The following THSD4 variants were observed in gnomAD, a reference collection of about 807,000 sequenced individuals.
THSD4 encodes thrombospondin type 1 domain containing 4, also known as thrombospondin type-1 domain-containing protein 4.
THSD4 carries 69 observed loss-of-function variants against 119.0 expected under a neutral mutation model. That is an observed-to-expected ratio of 0.58 (90% CI 0.48 to 0.71). The LOEUF (loss-of-function observed/expected upper bound fraction) is 0.71, where lower values mean the gene tolerates loss of function less well. Ranked by LOEUF, THSD4 falls within the 30% of genes least tolerant of loss-of-function variation. The pLI is 0.00. For synonymous variants in THSD4, 524 were observed against 540.4 expected (o/e 0.97, Z 0.42); for missense variants, 1,393 against 1,391.1 (o/e 1.00, Z -0.02).
At chr15:71,542,895 A>G (rs1203180615) in intron 7 of THSD4, among the ~76,000 whole-genome samples, 1 of 152,036 alleles carries the variant, frequency 6.6e-6, no homozygotes, top group Non-Finnish European at 1.5e-5. Context: ...AAACAAAAAA[A>G]CAAAAAAAAC....
At chr15:71,225,556 T>TTTTTTTTTG in intron 4 of THSD4, among the ~76,000 whole-genome samples, 1 of 146,176 alleles carries the variant, frequency 6.8e-6, no homozygotes. Context: ...TTTTTCTTTT[T>TTTTTTTTTG]TTTTTTTTTG....
At chr15:71,727,585 TATACACACACACAC>T (rs1567122106) in intron 8 of THSD4, among the ~76,000 whole-genome samples, 23 of 6,450 alleles carry the variant, frequency 3.6e-3, no homozygotes, top group African/African-American at 5.4e-3. Context: ...TATATATATA[TATACACACACACAC>T]ACACACACAC....
chr15:71,502,438 C>T (rs1020908052), intron 7 of THSD4, among the ~76,000 whole-genome samples: 9 of 152,124 alleles, frequency 5.9e-5, no homozygotes, highest in African/African-American at 1.7e-4. Flanking sequence ...TATCATGGAT[C>T]ACAGATGAAA....
At chr15:71,477,599 C>G (rs1462684600) in intron 7 of THSD4, among the ~76,000 whole-genome samples, 2 of 152,160 alleles carry the variant, frequency 1.3e-5, no homozygotes, top group East Asian at 3.8e-4. Context: ...TCTTGAGCAA[C>G]TCTTCTATCT....
At position 71,332,892 on chromosome 15, in the gene THSD4, A is replaced by ATTTTTTTTTTTT; in HGVS notation, c.1015+76182_1015+76193dup. Reference sequence around the variant, plus strand: ...TCTTAAAACATTGAGATTTTTTTACATTTTTTTTTTTTTTTTAGTTCATCA... The same window carrying ATTTTTTTTTTTT: ...TCTTAAAACATTGAGATTTTTTTACATTTTTTTTTTTTTTTTTTTTTTTTTTTTAGTTCATCA... On this transcript the variant is annotated intron_variant, in intron 6 of 17. Transcript: ENST00000261862. Among the ~76,000 whole-genome samples the ATTTTTTTTTTTT allele has an allele frequency of 2.8e-3, 214 of 76,964 alleles. 25 individuals carry two copies. The highest frequency in any genetic ancestry group is 8.5e-3 in the Middle Eastern group (1 of 118). The allele number at this position is 76,964 out of a possible 152,430, so 50.5% of individuals were successfully genotyped here. A position where few individuals can be genotyped will look rare whatever the true frequency, so the allele number is the denominator to read the frequency against.
chr15:71,120,757 G>A (rs1394838504), intron 1 of THSD4, among the ~76,000 whole-genome samples: 1 of 152,234 alleles, frequency 6.6e-6, no homozygotes, highest in Admixed American at 6.5e-5. Flanking sequence ...CTCAGGATGG[G>A]GATTAAGGCT....
intron 10 of THSD4, among the ~76,000 whole-genome samples, chr15:71,736,068 TGTCTCTCTCTTGCTCTC>T (rs1195550379): frequency 1.9e-5 from 1 of 54,018 alleles, no homozygotes; most frequent in African/African-American, 6.1e-5. Context: ...TCTATCTCTC[TGTCTCTCTCTTGCTCTC>T]TGTCTCTCTC....
intron 7 of THSD4, among the ~76,000 whole-genome samples, chr15:71,636,613 T>C (rs993200368): frequency 6.6e-6 from 1 of 152,164 alleles, no homozygotes; most frequent in Non-Finnish European, 1.5e-5. Context: ...TCCCACCACC[T>C]TCCGCTATGT....
intron 7 of THSD4, among the ~76,000 whole-genome samples, chr15:71,552,979 GCAAA>G (rs1429179949): frequency 6.6e-6 from 1 of 152,150 alleles, no homozygotes; most frequent in Non-Finnish European, 1.5e-5. Flanking sequence ...ACAAATTCAA[GCAAA>G]CAAATACAGA....
At chr15:71,477,175 C>T (rs752877722) in intron 7 of THSD4, among the ~76,000 whole-genome samples, 3 of 152,228 alleles carry the variant, frequency 2.0e-5, no homozygotes, top group Non-Finnish European at 2.9e-5. Context: ...AAGCTCCACA[C>T]GCCCTCCTTC....
At position 71,132,006 on chromosome 15, in the gene THSD4, G is replaced by C. The variant is rs142080422; in HGVS notation, c.-79-9443G>C. ...ACTTGAGCAAAAATCCTTTTACTATGTTAAGCCATTCACATTTTGAGGGGG... is the reference window on the plus strand; with the variant it reads ...ACTTGAGCAAAAATCCTTTTACTATCTTAAGCCATTCACATTTTGAGGGGG... On this transcript the variant is annotated intron_variant, in intron 1 of 17. Transcript: ENST00000261862. Among the ~76,000 whole-genome samples the C allele has an allele frequency of 1.1e-3, 162 of 152,290 alleles. 1 individual carries two copies. The highest frequency in any genetic ancestry group is 3.4e-3 in the Middle Eastern group (1 of 294).
chr15:71,168,968 C>T (rs368252973), intron 3 of THSD4, among the ~76,000 whole-genome samples: 92 of 152,152 alleles, frequency 6.0e-4, no homozygotes, highest in African/African-American at 2.1e-3. Context: ...ACATTCGAGT[C>T]GAGGTTGTTT....
At chr15:71,293,234 G>A (rs943998242) in intron 6 of THSD4, among the ~76,000 whole-genome samples, 4 of 152,122 alleles carry the variant, frequency 2.6e-5, no homozygotes, top group African/African-American at 9.7e-5. Context: ...CAGATTTTGA[G>A]CTATCTTTTT....
At chr15:71,237,066 G>A (rs2044111615) in intron 4 of THSD4, among the ~76,000 whole-genome samples, 1 of 152,196 alleles carries the variant, frequency 6.6e-6, no homozygotes, top group Non-Finnish European at 1.5e-5. Context: ...CAAGTGGTGT[G>A]GGTGGTCCAT....
At chr15:71,456,037 G>A (rs1188187552) in intron 7 of THSD4, among the ~76,000 whole-genome samples, 1 of 152,174 alleles carries the variant, frequency 6.6e-6, no homozygotes, top group Non-Finnish European at 1.5e-5. Flanking sequence ...GCAAAGTCAG[G>A]CTTTGACTAC....
At chr15:71,617,014 C>A (rs1006392395) in intron 7 of THSD4, among the ~76,000 whole-genome samples, 1 of 152,132 alleles carries the variant, frequency 6.6e-6, no homozygotes, top group African/African-American at 2.4e-5. Context: ...CAACCTGTTA[C>A]CAGGGAGTGG....
Position 71,215,298 on chromosome 15 carries a change from G to T in THSD4, c.363G>T (p.Thr121=). 6.6e-7 allele frequency: 1 copy of T among 1,524,268 alleles called. No homozygotes were observed. Among genetic ancestry groups the T allele is most frequent in the Non-Finnish European group, 8.8e-7 (1 of 1,141,888 alleles). 94.4% of individuals were successfully genotyped at this position (1,524,268 alleles called of 1,614,324 possible). A position where few individuals can be genotyped will look rare whatever the true frequency, so the allele number is the denominator to read the frequency against. Residue 121 remains threonine (T), a synonymous_variant, in exon 4 of 18, where the codon ACG becomes ACT. Coordinates refer to ENST00000261862, the MANE Select transcript of THSD4 (RefSeq NM_024817.3). ...CACTGCACCGGAGCCGCGACGAGAC[G>T]CCAGCGCTGGCCGGTACGGACGCCA... ...SVPLHRSRDE[T]PALAGTDASR...
chr15:71,542,600 G>T (rs1025956509), intron 7 of THSD4, among the ~76,000 whole-genome samples: 1 of 151,980 alleles, frequency 6.6e-6, no homozygotes, highest in East Asian at 1.9e-4. Flanking sequence ...AAATTGGGCC[G>T]GGCACAGTGT....
chr15:71,143,192 CGAG>C (rs796199068), intron 2 of THSD4, among the ~76,000 whole-genome samples: 8 of 152,178 alleles, frequency 5.3e-5, no homozygotes, highest in African/African-American at 1.9e-4. Context: ...TATTGAGCCA[CGAG>C]GAGGACAGCC....
Sources: gnomAD v4.1 joint callset for allele counts (sites outside exome capture counted in the v4.1 genomes callset) on GRCh38, gnomAD v4.1.1 for gene constraint, MANE v1.5 for transcripts, NCBI Gene and HGNC (gene_info 2026-07-23, HGNC 2026-07-21) for gene names.